Variants in TGFA observed in about 807,000 individuals in gnomAD.
TGFA encodes transforming growth factor alpha.
In TGFA, 12 loss-of-function variants were observed where a neutral mutation model predicts 21.7. The ratio of observed to expected loss-of-function variants is 0.55; its 90% CI spans 0.35 to 0.90. The LOEUF (loss-of-function observed/expected upper bound fraction) is 0.90, where lower values mean the gene tolerates loss of function less well. Ranked by LOEUF, TGFA falls within the 40% of genes least tolerant of loss-of-function variation. The pLI, the probability that TGFA is intolerant of heterozygous loss-of-function variation, is 0.01. For synonymous variants in TGFA, 79 were observed against 88.1 expected, an observed-to-expected ratio of 0.90 and a Z score of 0.58; for missense variants, 178 against 210.8, an observed-to-expected ratio of 0.84 and a Z score of 0.96.
At chr2:70,488,632 A>AT (rs1276339212) in intron 2 of TGFA, among the ~76,000 whole-genome samples, 13 of 152,000 alleles carry the variant, frequency 8.6e-5, no homozygotes, top group Admixed American at 4.6e-4. Flanking sequence ...CCTACCCCTC[A>AT]TTTTTTTGAA....
Position 70,456,609 on chromosome 2 carries a change from C to T in TGFA, c.216-121G>A, listed in dbSNP as rs1670238238. The T allele has an allele frequency of 4.0e-6, 5 of 1,239,892 alleles. No individual in the cohort carries two copies. The South Asian group carries it at 6.3e-5, about 16-fold the overall frequency. The allele number at this position is 1,239,892 out of a possible 1,614,324, so 76.8% of individuals were successfully genotyped here. ...CAGGTAAAGCCCAAAGGGGCCCTGC[C>T]AGCTTTTGCAATTGGAGGGAAAGGT... On this transcript the variant is annotated intron_variant, in intron 3 of 5. Transcript: ENST00000295400.
At chr2:70,491,983 C>G (rs1553497715) in intron 2 of TGFA, among the ~76,000 whole-genome samples, 1 of 152,192 alleles carries the variant, frequency 6.6e-6, no homozygotes, top group African/African-American at 2.4e-5. Flanking sequence ...TAACTTAGCT[C>G]TTTCCTTGTG....
At chr2:70,470,386 A>T (rs925782217) in intron 2 of TGFA, among the ~76,000 whole-genome samples, 6 of 152,208 alleles carry the variant, frequency 3.9e-5, no homozygotes, top group Non-Finnish European at 8.8e-5. Context: ...CTTAGCAAGG[A>T]TGTATAAGGT....
intron 2 of TGFA, among the ~76,000 whole-genome samples, chr2:70,481,856 C>T (rs1353329225): frequency 6.6e-6 from 1 of 152,224 alleles, no homozygotes; most frequent in Non-Finnish European, 1.5e-5. Context: ...TTCAGCCCCA[C>T]TCAAGCCTTC....
intron 2 of TGFA, among the ~76,000 whole-genome samples, chr2:70,502,829 T>C (rs1466369448): frequency 3.3e-5 from 5 of 152,224 alleles, no homozygotes; most frequent in Admixed American, 2.6e-4. Context: ...AATACTTACA[T>C]AGGACTTACC....
chr2:70,489,357 A>G (rs1671357439), intron 2 of TGFA, among the ~76,000 whole-genome samples: 1 of 152,206 alleles, frequency 6.6e-6, no homozygotes, highest in African/African-American at 2.4e-5. Flanking sequence ...CTTCCCACGC[A>G]GTGTTTACTA....
intron 2 of TGFA, among the ~76,000 whole-genome samples, chr2:70,478,831 T>G (rs1015010332): frequency 6.6e-6 from 1 of 152,230 alleles, no homozygotes; most frequent in Non-Finnish European, 1.5e-5. Context: ...AGATCATGTT[T>G]CTTTGACTTC....
intron 1 of TGFA, among the ~76,000 whole-genome samples, chr2:70,533,262 A>G (rs1157649788): frequency 6.6e-6 from 1 of 152,176 alleles, no homozygotes; most frequent in African/African-American, 2.4e-5. Context: ...CAAGCTGAAA[A>G]GATGAAGAAA....
chr2:70,512,411 T>C (rs1010119038), intron 2 of TGFA, among the ~76,000 whole-genome samples: 1 of 152,188 alleles, frequency 6.6e-6, no homozygotes, highest in East Asian at 1.9e-4. Flanking sequence ...TGAGGCTCTC[T>C]GGACTTTAGA....
In TGFA at chr2:70,447,352, A is replaced by T. The variant is rs782718566; in HGVS notation, c.*3507T>A. ...ACAGTACAACTCAATAACAATGCAC[A>T]TTACTGAAAAACACAATTGCGTCTT... On this transcript the variant is annotated 3_prime_UTR_variant, in exon 6 of 6. Transcript: ENST00000295400. The T allele has an allele frequency of 5.2e-5, 8 of 152,668 alleles. No individual in the cohort carries two copies. Among genetic ancestry groups the T allele is most frequent in the Non-Finnish European group, 1.2e-4 (8 of 68,040 alleles). The allele number at this position is 152,668 out of a possible 1,614,324, so 9.5% of individuals were successfully genotyped here. A position where few individuals can be genotyped will look rare whatever the true frequency, so the allele number is the denominator to read the frequency against.
At chr2:70,454,071 G>T (rs1011842087) in intron 4 of TGFA, among the ~76,000 whole-genome samples, 19 of 151,882 alleles carry the variant, frequency 1.3e-4, no homozygotes, top group African/African-American at 4.3e-4. Flanking sequence ...CCCCACAGAC[G>T]CTACCAGCCA....
At chr2:70,464,596 T>G (rs1670494496) in intron 3 of TGFA, among the ~76,000 whole-genome samples, 1 of 152,120 alleles carries the variant, frequency 6.6e-6, no homozygotes, top group Admixed American at 6.5e-5. Context: ...AGTATACAGG[T>G]CAGTTTCCAC....
Position 70,514,854 on chromosome 2 carries a change from C to T in TGFA, c.94+5G>A. On this transcript the variant is annotated splice_donor_5th_base_variant and intron_variant, in intron 2 of 5. Coordinates refer to ENST00000295400, the MANE Select transcript of TGFA (RefSeq NM_003236.4). ...GATCCACACACCCACGGCAGCTGCA[C>T]TCACCACTCAGCGGGGACGTGCTGT... 1 of 1,613,926 alleles carries T rather than the reference C, an allele frequency of 6.2e-7. No individual in the cohort carries two copies.
intron 2 of TGFA, among the ~76,000 whole-genome samples, chr2:70,501,248 T>C (rs2103813310): frequency 6.8e-6 from 1 of 148,104 alleles, no homozygotes; most frequent in East Asian, 2.0e-4. Context: ...AAGTGCTCTT[T>C]GCTTGCAATT....
At chr2:70,480,005 A>T (rs536140446) in intron 2 of TGFA, among the ~76,000 whole-genome samples, 2 of 152,302 alleles carry the variant, frequency 1.3e-5, no homozygotes, top group South Asian at 4.1e-4. Context: ...TTCGTGTAGC[A>T]TCATGGGGAG....
At chr2:70,477,993 CTGG>C (rs1670988040) in intron 2 of TGFA, among the ~76,000 whole-genome samples, 1 of 152,202 alleles carries the variant, frequency 6.6e-6, no homozygotes, top group African/African-American at 2.4e-5. Flanking sequence ...TCTGTCTCTT[CTGG>C]GAGCCTCATC....
At chr2:70,541,397 C>T (rs868952204) in intron 1 of TGFA, among the ~76,000 whole-genome samples, 19 of 152,238 alleles carry the variant, frequency 1.2e-4, no homozygotes, top group Middle Eastern at 3.4e-3. Flanking sequence ...AATGACTATA[C>T]AAATATCTGT....
At chr2:70,515,792 T>A (rs1553501521) in intron 1 of TGFA, among the ~76,000 whole-genome samples, 1 of 152,066 alleles carries the variant, frequency 6.6e-6, no homozygotes, top group African/African-American at 2.4e-5. Context: ...CAAGAAAACC[T>A]AGGGGAGGCA....
intron 1 of TGFA, among the ~76,000 whole-genome samples, chr2:70,518,289 A>G (rs1159619873): frequency 6.6e-6 from 1 of 152,222 alleles, no homozygotes; most frequent in Non-Finnish European, 1.5e-5. Context: ...GTGGACTTCA[A>G]AAAGAAAAAA....
Sources: gnomAD v4.1 joint callset for allele counts (sites outside exome capture counted in the v4.1 genomes callset) on GRCh38, gnomAD v4.1.1 for gene constraint, MANE v1.5 for transcripts, NCBI Gene and HGNC (gene_info 2026-07-23, HGNC 2026-07-21) for gene names.